Variants in LONP2 observed in about 807,000 individuals in gnomAD.
The protein encoded by LONP2 is lon protease homolog 2, peroxisomal.
A neutral mutation model predicts 85.6 loss-of-function variants in LONP2; 60 were observed. The observed-to-expected ratio is 0.70, with a 90% CI of 0.57 to 0.87. LONP2 has a LOEUF of 0.87. LONP2 is among the 40% of genes least tolerant of loss of function. The pLI, the probability that LONP2 is intolerant of heterozygous loss-of-function variation, is 0.00. For synonymous variants in LONP2, 395 were observed against 389.7 expected, an observed-to-expected ratio of 1.01 and a Z score of -0.16; for missense variants, 860 against 1,063.5, an observed-to-expected ratio of 0.81 and a Z score of 2.66.
chr16:48,350,869 C>T (rs1419962718), intron 14 of LONP2, among the ~76,000 whole-genome samples: 1 of 152,176 alleles, frequency 6.6e-6, no homozygotes, highest in African/African-American at 2.4e-5. Flanking sequence ...GCCCCAGTTC[C>T]TCACCTGATG....
chr16:48,356,244 C>G lies in LONP2; in HGVS notation c.*4442C>G, dbSNP rs1960348734. On this transcript the variant is annotated 3_prime_UTR_variant, in exon 15 of 15. Coordinates refer to ENST00000285737, the MANE Select transcript of LONP2 (RefSeq NM_031490.5). Reference sequence around the variant, plus strand: ...CTGCATTCACAGTGACCAAAATCAGCTATGTGGCCAGGTAATTCACTGCTG... The same window carrying G: ...CTGCATTCACAGTGACCAAAATCAGGTATGTGGCCAGGTAATTCACTGCTG... The G allele has an allele frequency of 6.6e-6, 1 of 152,578 alleles. No individual in the cohort carries two copies. Among genetic ancestry groups the G allele is most frequent in the Non-Finnish European group, 1.5e-5 (1 of 68,346 alleles). The allele number at this position is 152,578 out of a possible 1,614,324, so 9.5% of individuals were successfully genotyped here.
At chr16:48,299,401 T>A (rs374384067) in intron 9 of LONP2, among the ~76,000 whole-genome samples, 1 of 151,660 alleles carries the variant, frequency 6.6e-6, no homozygotes, top group African/African-American at 2.4e-5. Context: ...CCTGGCCAAC[T>A]TGGCAAAGCC....
rs773913986 is a variant in LONP2 at position 48,282,410 on chromosome 16, C to CA, written c.1383+4950dup. 5.9e-3 allele frequency among the ~76,000 whole-genome samples: 489 copies of CA among 83,558 alleles called. 2 individuals carry two copies. The highest frequency in any genetic ancestry group is 0.037 in the Middle Eastern group (7 of 188). The allele number at this position is 83,558 out of a possible 152,430, so 54.8% of individuals were successfully genotyped here. ...TGGGTGACAGAGCAAGACTCTGTCT[C>CA]AAAAAAAAAAAAAAAAAAAGAAAGA... On this transcript the variant is annotated intron_variant, in intron 8 of 14. Coordinates refer to ENST00000285737, the MANE Select transcript of LONP2 (RefSeq NM_031490.5).
chr16:48,245,283 C>A (rs1030503069), intron 1 of LONP2, among the ~76,000 whole-genome samples: 3 of 152,188 alleles, frequency 2.0e-5, no homozygotes, highest in African/African-American at 7.2e-5. Flanking sequence ...CTCCTTCACT[C>A]ATAACATTTC....
At chr16:48,315,324 C>T (rs371619570) in intron 11 of LONP2, among the ~76,000 whole-genome samples, 1 of 152,276 alleles carries the variant, frequency 6.6e-6, no homozygotes, top group South Asian at 2.1e-4. Flanking sequence ...GCTGACAGTT[C>T]GTTCTGTGTT....
rs1038312562 is a variant in LONP2, at chr16:48,310,665, CTTTG to C, written c.1795+7368_1795+7371del. 7.9e-5 allele frequency among the ~76,000 whole-genome samples: 12 copies of C among 152,182 alleles called. No homozygotes were observed. In the South Asian group the frequency reaches 1.0e-3, roughly 13 times the overall value. On this transcript the variant is annotated intron_variant, in intron 11 of 14. Coordinates refer to ENST00000285737, the MANE Select transcript of LONP2 (RefSeq NM_031490.5). ...CCGCAACCAGCCAGCTTTGTAGATT[CTTTG>C]TTTGTTTTTTGTTCCCGCTTTGTGG... is the stretch of plus-strand genomic sequence containing the variant.
intron 7 of LONP2, 54 bp from the exon 8 acceptor site, chr16:48,277,284 T>A (rs1972229179): frequency 3.8e-6 from 6 of 1,572,664 alleles, no homozygotes; most frequent in Non-Finnish European, 5.2e-6. Context: ...CTGAATGGCG[T>A]CGCTCCTGCC....
chr16:48,317,523 A>AT (rs1973171468), intron 11 of LONP2, among the ~76,000 whole-genome samples: 1 of 152,244 alleles, frequency 6.6e-6, no homozygotes, highest in Non-Finnish European at 1.5e-5. Context: ...GCTTCTACCT[A>AT]TATAATTGAC....
chr16:48,328,611 G>C (rs1173026196), intron 11 of LONP2, among the ~76,000 whole-genome samples: 2 of 150,660 alleles, frequency 1.3e-5, no homozygotes, highest in South Asian at 2.1e-4. Context: ...CCAGGAGGTG[G>C]AAGTTGCAGT....
chr16:48,292,147 A>G (rs1004185865), intron 8 of LONP2, among the ~76,000 whole-genome samples: 4 of 152,238 alleles, frequency 2.6e-5, no homozygotes, highest in South Asian at 2.1e-4. Flanking sequence ...GCATTTCTAC[A>G]TAAGATAAAA....
chr16:48,278,093 A>T (rs1972252447), intron 8 of LONP2, among the ~76,000 whole-genome samples: 1 of 151,912 alleles, frequency 6.6e-6, no homozygotes. Context: ...TATTATGATT[A>T]TGTAAATGCT....
At chr16:48,290,455 G>A (rs1268460245) in intron 8 of LONP2, among the ~76,000 whole-genome samples, 3 of 152,082 alleles carry the variant, frequency 2.0e-5, no homozygotes, top group African/African-American at 7.2e-5. Context: ...AGTCCCACAA[G>A]ACTGCCTCCC....
chr16:48,305,157 G>A (rs866632034), intron 11 of LONP2, among the ~76,000 whole-genome samples: 2 of 152,240 alleles, frequency 1.3e-5, no homozygotes, highest in Admixed American at 6.5e-5. Context: ...GGATTGGAGG[G>A]AGGCAGTGCC....
intron 7 of LONP2, among the ~76,000 whole-genome samples, chr16:48,270,970 AATTTAT>A (rs1972091259): frequency 6.6e-6 from 1 of 152,100 alleles, no homozygotes; most frequent in African/African-American, 2.4e-5. Flanking sequence ...GTCTCTACAA[AATTTAT>A]ATTTAAATTT....
At chr16:48,300,966 T>G (rs1265376082) in intron 10 of LONP2, among the ~76,000 whole-genome samples, 1 of 152,232 alleles carries the variant, frequency 6.6e-6, no homozygotes, top group Non-Finnish European at 1.5e-5. Flanking sequence ...TTCCCAGTTG[T>G]TACCTAGAGA....
chr16:48,273,347 TA>T (rs1184996033), intron 7 of LONP2, among the ~76,000 whole-genome samples: 2 of 152,216 alleles, frequency 1.3e-5, no homozygotes, highest in Non-Finnish European at 2.9e-5. Flanking sequence ...ATATGTTTTT[TA>T]TGGTTAAATG....
intron 8 of LONP2, among the ~76,000 whole-genome samples, chr16:48,286,680 A>G (rs1337354190): frequency 6.6e-6 from 1 of 151,474 alleles, no homozygotes; most frequent in African/African-American, 2.4e-5. Flanking sequence ...AATTTTTTGT[A>G]GAGACAGGGT....
intron 11 of LONP2, among the ~76,000 whole-genome samples, chr16:48,315,228 G>GCCTT (rs1973116807): frequency 6.6e-6 from 1 of 152,168 alleles, no homozygotes; most frequent in Non-Finnish European, 1.5e-5. Flanking sequence ...TAAACACTAT[G>GCCTT]CCTTGCCTGT....
chr16:48,303,113 C>T, intron 10 of LONP2, 59 bp from the exon 11 acceptor site: 1 of 1,573,346 alleles, frequency 6.4e-7, no homozygotes, highest in East Asian at 2.3e-5. Flanking sequence ...AATCACATTA[C>T]CTCTCTATTT....
Sources: allele counts gnomAD v4.1 joint callset (sites outside exome capture counted in the v4.1 genomes callset), GRCh38; gene constraint gnomAD v4.1.1; transcripts MANE v1.5; gene names NCBI Gene and HGNC (gene_info 2026-07-23, HGNC 2026-07-21).